The following IGFBP7 variants were observed in gnomAD, a reference collection of about 807,000 sequenced individuals.
IGFBP7 encodes insulin-like growth factor-binding protein 7.
IGFBP7 carries 31 observed loss-of-function variants against 29.4 expected under a neutral mutation model. The observed-to-expected ratio is 1.05, with a 90% CI of 0.79 to 1.42. IGFBP7 has a LOEUF of 1.42. IGFBP7 is among the 40% of genes most tolerant of loss of function. The probability of loss-of-function intolerance (pLI) is 0.00; values close to 1 mark genes in which losing one functional copy is unlikely to be tolerated. For synonymous variants in IGFBP7, 172 were observed against 174.9 expected (o/e 0.98, Z 0.13); for missense variants, 393 against 395.5 (o/e 0.99, Z 0.05).
intron 1 of IGFBP7, among the ~76,000 whole-genome samples, chr4:57,043,059 C>A (rs533172614): frequency 6.6e-6 from 1 of 152,198 alleles, no homozygotes. Context: ...TGTCCCCTGA[C>A]GGCCTGGCTT....
At chr4:57,074,592 C>T (rs367769540) in intron 1 of IGFBP7, among the ~76,000 whole-genome samples, 49 of 152,292 alleles carry the variant, frequency 3.2e-4, no homozygotes, top group African/African-American at 1.2e-3. Flanking sequence ...CCAGACTCTC[C>T]CATTTCTTTC....
In IGFBP7 at chr4:57,055,178, A is replaced by G. The variant is rs561536576; in HGVS notation, c.476-14245T>C. Among the ~76,000 whole-genome samples the G allele has an allele frequency of 6.5e-3, 983 of 150,430 alleles. 11 individuals carry two copies. The highest frequency in any genetic ancestry group is 0.023 in the African/African-American group (909 of 40,366). On this transcript the variant is annotated intron_variant, in intron 1 of 4. Coordinates refer to ENST00000295666, the MANE Select transcript of IGFBP7 (RefSeq NM_001553.3). ...GCAGCAGACACGCAGAGCCTCAGCC[A>G]CCGGGTACTGGCCTCTAGGAAGGAT...
intron 1 of IGFBP7, among the ~76,000 whole-genome samples, chr4:57,083,524 C>CTTAGTTTGCTTAGTT (rs1725423065): frequency 6.6e-6 from 1 of 152,178 alleles, no homozygotes; most frequent in South Asian, 2.1e-4. Context: ...CTCTTGTTTA[C>CTTAGTTTGCTTAGTT]TACAGATATT....
intron 1 of IGFBP7, among the ~76,000 whole-genome samples, chr4:57,080,071 G>T (rs1475403767): frequency 6.6e-6 from 1 of 152,152 alleles, no homozygotes; most frequent in East Asian, 1.9e-4. Flanking sequence ...GATTCCCACG[G>T]TTTTCTGAGT....
At chr4:57,033,139 G>T in intron 3 of IGFBP7, 56 bp downstream of exon 3, 2 of 1,230,460 alleles carry the variant, frequency 1.6e-6, no homozygotes, top group Non-Finnish European at 2.4e-6. Context: ...TGCCAGGTCT[G>T]CTTATGTCTA....
At chr4:57,085,612 G>A (rs1725479524) in intron 1 of IGFBP7, among the ~76,000 whole-genome samples, 1 of 152,082 alleles carries the variant, frequency 6.6e-6, no homozygotes, top group South Asian at 2.1e-4. Flanking sequence ...TTGCAGACGT[G>A]CTTTCATTGC....
chr4:57,050,879 A>G (rs1211164194), intron 1 of IGFBP7, among the ~76,000 whole-genome samples: 1 of 152,182 alleles, frequency 6.6e-6, no homozygotes, highest in Non-Finnish European at 1.5e-5. Flanking sequence ...ACATGCTAAC[A>G]TGGCTAAGAC....
chr4:57,071,078 T>G (rs185565320), intron 1 of IGFBP7, among the ~76,000 whole-genome samples: 111 of 152,370 alleles, frequency 7.3e-4, no homozygotes, highest in African/African-American at 2.3e-3. Context: ...CATAAGGTGG[T>G]GGCAAAGCCT....
chr4:57,058,128 T>G lies in IGFBP7; in HGVS notation c.476-17195A>C, dbSNP rs1164048420. On this transcript the variant is annotated intron_variant, in intron 1 of 4. Transcript: ENST00000295666. ...TTTAATCAGCAAGGAGCATTTTAAC[T>G]TACAAAAAAATAAGGAATAATAATT... 5.3e-5 allele frequency among the ~76,000 whole-genome samples: 7 copies of G among 132,008 alleles called. No homozygotes were observed. The Admixed American group carries it at 6.4e-4, about 12-fold the overall frequency. 86.6% of individuals were successfully genotyped at this position (132,008 alleles called of 152,430 possible).
chr4:57,066,132 T>G (rs1724916851), intron 1 of IGFBP7, among the ~76,000 whole-genome samples: 1 of 152,252 alleles, frequency 6.6e-6, no homozygotes, highest in African/African-American at 2.4e-5. Flanking sequence ...GAGCTAATTC[T>G]GCTCCCCTTG....
At chr4:57,043,468 TA>T (rs761556207) in intron 1 of IGFBP7, among the ~76,000 whole-genome samples, 31 of 152,304 alleles carry the variant, frequency 2.0e-4, no homozygotes, top group Middle Eastern at 6.8e-3. Flanking sequence ...TCAAAGGACA[TA>T]AAGTCTCCCC....
chr4:57,040,857 G>A lies in IGFBP7; in HGVS notation c.552C>T (p.Ile184=), dbSNP rs1416767511. The stretch of plus-strand genomic sequence containing the variant: ...AGATGAGGACAGGTGTCGGGATTCC[G>A]ATGACCTCACAGCTCAAGTACACCT... ...GAQVYLSCEV[I]GIPTPVLIWN... Residue 184 remains isoleucine (I), a synonymous_variant, in exon 2 of 5, where the codon ATC becomes ATT. Coordinates refer to ENST00000295666, the MANE Select transcript of IGFBP7 (RefSeq NM_001553.3). 3.7e-6 allele frequency: 6 copies of A among 1,613,756 alleles called. No individual in the cohort carries two copies. Among genetic ancestry groups the A allele is most frequent in the Non-Finnish European group, 4.2e-6 (5 of 1,179,776 alleles).
At chr4:57,070,903 T>C (rs773902776) in intron 1 of IGFBP7, among the ~76,000 whole-genome samples, 5 of 152,202 alleles carry the variant, frequency 3.3e-5, no homozygotes, top group African/African-American at 1.2e-4. Flanking sequence ...AACACACACA[T>C]CTCAATGTAT....
chr4:57,031,217 T>G lies in IGFBP7; in HGVS notation c.*100A>C, dbSNP rs1203928485. 14 of 970,598 alleles carry G rather than the reference T, an allele frequency of 1.4e-5. No individual in the cohort carries two copies. The highest frequency in any genetic ancestry group is 2.3e-5 in the Non-Finnish European group (14 of 608,790). 60.1% of individuals were successfully genotyped at this position (970,598 alleles called of 1,614,324 possible). A position where few individuals can be genotyped will look rare whatever the true frequency, so the allele number is the denominator to read the frequency against. ...GTAAAACCAGTGAATATAACTAAAG[T>G]GTTAGTGGATTGGATTAAAAGAAAC... On this transcript the variant is annotated 3_prime_UTR_variant, in exon 5 of 5. Coordinates refer to ENST00000295666, the MANE Select transcript of IGFBP7 (RefSeq NM_001553.3).
intron 1 of IGFBP7, among the ~76,000 whole-genome samples, chr4:57,045,476 T>G (rs1724338077): frequency 6.6e-6 from 1 of 152,222 alleles, no homozygotes; most frequent in South Asian, 2.1e-4. Context: ...TGCAGTCTCT[T>G]GCAAAGGAAA....
At chr4:57,032,273 G>A (rs544719704) in intron 4 of IGFBP7, 153 bp downstream of exon 4, 7 of 1,439,886 alleles carry the variant, frequency 4.9e-6, no homozygotes, top group Non-Finnish European at 6.4e-6. Flanking sequence ...GGAGTCTCAT[G>A]CTGTACATTT....
At chr4:57,033,803 T>G (rs941802720) in intron 2 of IGFBP7, among the ~76,000 whole-genome samples, 5 of 152,118 alleles carry the variant, frequency 3.3e-5, no homozygotes, top group African/African-American at 1.2e-4. Flanking sequence ...ATTAATCAAA[T>G]GATTTACTGA....
intron 1 of IGFBP7, among the ~76,000 whole-genome samples, chr4:57,047,033 G>A (rs1001153933): frequency 6.6e-6 from 1 of 152,128 alleles, no homozygotes; most frequent in Admixed American, 6.5e-5. Context: ...TCCTTAGAGG[G>A]TCTCTTCTTT....
chr4:57,067,782 C>T (rs1278993579), intron 1 of IGFBP7, among the ~76,000 whole-genome samples: 1 of 151,868 alleles, frequency 6.6e-6, no homozygotes, highest in Non-Finnish European at 1.5e-5. Context: ...CACTTCAGGA[C>T]TTCTCCAATA....
Sources: allele counts gnomAD v4.1 joint callset (sites outside exome capture counted in the v4.1 genomes callset), GRCh38; gene constraint gnomAD v4.1.1; transcripts MANE v1.5; gene names NCBI Gene and HGNC (gene_info 2026-07-23, HGNC 2026-07-21).